The following SEMA5B variants were observed in gnomAD, a reference collection of about 807,000 sequenced individuals.
SEMA5B encodes the protein semaphorin 5B.
SEMA5B carries 66 observed loss-of-function variants against 135.0 expected under a neutral mutation model. The ratio of observed to expected loss-of-function variants is 0.49; its 90% CI spans 0.40 to 0.60. The LOEUF (loss-of-function observed/expected upper bound fraction) is 0.60. Ranked by LOEUF, SEMA5B falls within the 20% of genes least tolerant of loss-of-function variation. The pLI, the probability that SEMA5B is intolerant of heterozygous loss-of-function variation, is 0.00. For synonymous variants in SEMA5B, 690 were observed against 639.5 expected (o/e 1.08, Z -1.19); for missense variants, 1,501 against 1,566.3 (o/e 0.96, Z 0.70).
At chr3:122,968,439 C>A (rs912344846) in intron 1 of SEMA5B, among the ~76,000 whole-genome samples, 1 of 152,172 alleles carries the variant, frequency 6.6e-6, no homozygotes, top group South Asian at 2.1e-4. Context: ...GAGGGACGGT[C>A]GCCTTGGGGG....
At chr3:122,913,799 G>A in intron 15 of SEMA5B, 59 bp downstream of exon 15, 1 of 1,566,100 alleles carries the variant, frequency 6.4e-7, no homozygotes, top group South Asian at 1.2e-5. Context: ...GAGAATCCAG[G>A]CCACTTTCTG....
At chr3:122,978,893 C>T (rs896145433) in intron 1 of SEMA5B, among the ~76,000 whole-genome samples, 20 of 152,212 alleles carry the variant, frequency 1.3e-4, no homozygotes, top group Admixed American at 5.2e-4. Context: ...CTCTGGGCTG[C>T]TCTGTTTCCA....
At chr3:123,018,727 A>C (rs1942614042) in intron 1 of SEMA5B, among the ~76,000 whole-genome samples, 1 of 152,188 alleles carries the variant, frequency 6.6e-6, no homozygotes, top group Non-Finnish European at 1.5e-5. Context: ...TCTCCACTTT[A>C]AACAGTATCT....
intron 1 of SEMA5B, among the ~76,000 whole-genome samples, chr3:123,007,135 C>CT (rs1332942021): frequency 6.6e-6 from 1 of 152,192 alleles, no homozygotes; most frequent in African/African-American, 2.4e-5. Flanking sequence ...GGGACATCCC[C>CT]TGACCTCCCA....
At chr3:123,024,176 G>A (rs1373153321) in intron 1 of SEMA5B, among the ~76,000 whole-genome samples, 1 of 152,186 alleles carries the variant, frequency 6.6e-6, no homozygotes, top group Non-Finnish European at 1.5e-5. Flanking sequence ...GATATAAGAG[G>A]GTGACCAAGA....
chr3:122,958,520 C>T lies in SEMA5B; in HGVS notation c.124+2620G>A, dbSNP rs549471563. On this transcript the variant is annotated intron_variant, in intron 2 of 22. Transcript: ENST00000357599. Reference sequence around the variant, plus strand: ...TTCTCCGTGGGGGTGGTGAAGGCATCTTCCCACCCACACATCACTCACCAC... The same window carrying T: ...TTCTCCGTGGGGGTGGTGAAGGCATTTTCCCACCCACACATCACTCACCAC... 4.2e-3 allele frequency among the ~76,000 whole-genome samples: 643 copies of T among 152,284 alleles called. 2 individuals are homozygous for T. The highest frequency in any genetic ancestry group is 7.0e-3 in the Non-Finnish European group (478 of 68,018).
intron 3 of SEMA5B, among the ~76,000 whole-genome samples, chr3:122,947,619 C>T (rs934503164): frequency 3.3e-5 from 5 of 152,224 alleles, no homozygotes; most frequent in Admixed American, 6.5e-5. Flanking sequence ...CTGGCTCTGA[C>T]AAGCCTCTCT....
At chr3:122,991,737 G>GGT (rs1218722325) in intron 1 of SEMA5B, among the ~76,000 whole-genome samples, 2 of 152,034 alleles carry the variant, frequency 1.3e-5, no homozygotes, top group African/African-American at 4.8e-5. Flanking sequence ...ATTGGGTGGG[G>GGT]GTGGGGGTGC....
chr3:122,998,904 T>G (rs1462967598), intron 1 of SEMA5B, among the ~76,000 whole-genome samples: 3 of 152,238 alleles, frequency 2.0e-5, no homozygotes, highest in African/African-American at 7.2e-5. Context: ...TTAAATAGAC[T>G]TATTGACTTA....
rs1938364739 is a variant in SEMA5B at position 122,921,906 on chromosome 3, C to G, written c.1688+9G>C. 6.5e-7 allele frequency: 1 copy of G among 1,528,194 alleles called. No individual in the cohort carries two copies. The highest frequency in any genetic ancestry group is 2.5e-5 in the East Asian group (1 of 40,502). The allele number at this position is 1,528,194 out of a possible 1,614,324, so 94.7% of individuals were successfully genotyped here. ...TGGAGGCCTCGGGAGCCGCCCCGTC[C>G]CGGCTTACCCCTGGCTGCGGTAGGC... is the stretch of plus-strand genomic sequence containing the variant. On this transcript the variant is annotated intron_variant, in intron 12 of 22. Coordinates refer to ENST00000357599, the MANE Select transcript of SEMA5B (RefSeq NM_001031702.4).
chr3:123,019,318 G>A (rs564594303), intron 1 of SEMA5B, among the ~76,000 whole-genome samples: 26 of 152,170 alleles, frequency 1.7e-4, no homozygotes, highest in Non-Finnish European at 3.1e-4. Flanking sequence ...TATGTGGGCC[G>A]GGCACAGTAG....
At chr3:122,912,425 C>T in intron 18 of SEMA5B, 83 bp from the exon 19 acceptor site, 2 of 1,313,744 alleles carry the variant, frequency 1.5e-6, no homozygotes, top group Non-Finnish European at 2.0e-6. Context: ...GCCCAGACCA[C>T]TCTGCCCTGA....
intron 1 of SEMA5B, among the ~76,000 whole-genome samples, chr3:122,971,866 T>C (rs1374145293): frequency 6.6e-6 from 1 of 152,252 alleles, no homozygotes; most frequent in Non-Finnish European, 1.5e-5. Flanking sequence ...GGCACCGTGT[T>C]CTGCATCCTT....
chr3:123,019,617 G>GTGTACA (rs1300013368), intron 1 of SEMA5B, among the ~76,000 whole-genome samples: 2 of 152,090 alleles, frequency 1.3e-5, no homozygotes, highest in Non-Finnish European at 2.9e-5. Flanking sequence ...TTTTTTAAAT[G>GTGTACA]TGTACATAAG....
chr3:123,016,326 G>T (rs1460902877), intron 1 of SEMA5B, among the ~76,000 whole-genome samples: 2 of 152,208 alleles, frequency 1.3e-5, no homozygotes, highest in Admixed American at 6.5e-5. Flanking sequence ...ATACCTGGGG[G>T]ACCAGTCCCA....
intron 14 of SEMA5B, among the ~76,000 whole-genome samples, chr3:122,914,282 A>G (rs149445355): frequency 4.6e-5 from 7 of 152,352 alleles, no homozygotes; most frequent in Non-Finnish European, 7.4e-5. Flanking sequence ...ACAAGGGCCA[A>G]AAGGGCAGAC....
intron 1 of SEMA5B, among the ~76,000 whole-genome samples, chr3:122,963,317 T>C (rs936540051): frequency 1.3e-5 from 2 of 151,918 alleles, no homozygotes; most frequent in Admixed American, 1.3e-4. Context: ...ACTAACATGG[T>C]GAAACCCCAT....
intron 1 of SEMA5B, among the ~76,000 whole-genome samples, chr3:122,983,416 A>G (rs1407230071): frequency 6.6e-6 from 1 of 151,906 alleles, no homozygotes; most frequent in Non-Finnish European, 1.5e-5. Context: ...AGGAAGCTGG[A>G]GCCTCACCTT....
At position 122,913,910 on chromosome 3, in the gene SEMA5B, G is replaced by T. The variant is rs1281539307; in HGVS notation, c.2080C>A (p.Pro694Thr). ...FQVRQRSCSN[P>T]APRHGGRICV... ...ATGCGGCCCCCGTGGCGGGGAGCAG[G>T]GTTGCTGCAACTTCGCTGGCGGACC... Residue 694 changes from proline (P) to threonine (T), a missense_variant, in exon 15 of 23, where the codon CCT (proline) becomes ACT (threonine). By Grantham distance (38) the Pro-to-Thr change is conservative. Around this residue, in one of 2 missense-constraint regions of SEMA5B, gnomAD observed 927 missense variants for 881.6 expected, o/e 1.05. Transcript: ENST00000357599. The T allele has an allele frequency of 6.2e-7, 1 of 1,612,924 alleles. No homozygotes were observed. The highest frequency in any genetic ancestry group is 8.5e-7 in the Non-Finnish European group (1 of 1,179,878).
Sources: gnomAD v4.1 joint callset for allele counts (sites outside exome capture counted in the v4.1 genomes callset) on GRCh38, gnomAD v4.1.1 for gene constraint, gnomAD v4.1.1 regional missense constraint, MANE v1.5 for transcripts, NCBI Gene and HGNC (gene_info 2026-07-23, HGNC 2026-07-21) for gene names.